MAML3: variants seen among roughly 807,000 people sequenced by gnomAD.
The protein encoded by MAML3 is mastermind like transcriptional coactivator 3.
Under a neutral mutation model 101.9 loss-of-function variants are expected in MAML3, and 27 were observed. That is an observed-to-expected ratio of 0.27 (90% CI 0.20 to 0.37). The LOEUF is 0.37. Ranked by LOEUF, MAML3 falls within the 10% of genes least tolerant of loss-of-function variation. The pLI, the probability that MAML3 is intolerant of heterozygous loss-of-function variation, is 1.00. For synonymous variants in MAML3, 501 were observed against 555.9 expected (o/e 0.90, Z 1.39); for missense variants, 1,316 against 1,444.9 (o/e 0.91, Z 1.45).
intron 1 of MAML3, among the ~76,000 whole-genome samples, chr4:140,062,727 T>C (rs1188575755): frequency 2.0e-5 from 3 of 152,136 alleles, no homozygotes; most frequent in African/African-American, 4.8e-5. Flanking sequence ...ATGAAATGAG[T>C]AAACAACTGC....
chr4:140,149,843 C>T (rs1445623079), intron 1 of MAML3, among the ~76,000 whole-genome samples: 1 of 151,990 alleles, frequency 6.6e-6, no homozygotes, highest in East Asian at 1.9e-4. Flanking sequence ...TGAGATTTTA[C>T]CTCAATACAG....
At chr4:140,019,762 CTG>C (rs910900994) in intron 1 of MAML3, among the ~76,000 whole-genome samples, 24 of 152,324 alleles carry the variant, frequency 1.6e-4, no homozygotes, top group African/African-American at 5.8e-4. Context: ...AAAAGATACA[CTG>C]TGTAACTTCA....
rs79111879 is a variant in MAML3, at chr4:139,958,716, G to A, written c.469-67749C>T. Among the ~76,000 whole-genome samples, 1,306 of 152,248 alleles carry A rather than the reference G, an allele frequency of 8.6e-3. 16 individuals carry two copies. The highest frequency in any genetic ancestry group is 0.029 in the African/African-American group (1,211 of 41,520). On this transcript the variant is annotated intron_variant, in intron 1 of 4. Transcript: ENST00000509479. ...GTTCAGGTCTTGAATTTTGTGCTAC[G>A]TCTGTGGTCCATAGAACTCCACCCC...
In MAML3 at chr4:139,889,544, T is replaced by C; in HGVS notation, c.1892A>G (p.Tyr631Cys). The change falls in exon 2 of 5, where the codon TAT (tyrosine) becomes TGT (cysteine). Residue 631 changes from tyrosine (Y) to cysteine (C), a missense_variant. Physicochemically the swap from Tyr to Cys is radical, Grantham distance 194. Coordinates refer to ENST00000509479, the MANE Select transcript of MAML3 (RefSeq NM_018717.5). ...CTGCTGCTGTTGCTGCTGCTGGATA[T>C]ACGGCATCAAGGGGTTTTTGTTGGG... The part of the protein sequence containing the change: ...ANPNKNPLMP[Y>C]IQQQQQQQQQ... 2 of 1,613,880 alleles carry C rather than the reference T, an allele frequency of 1.2e-6. No individual in the cohort carries two copies. Among genetic ancestry groups the C allele is most frequent in the Non-Finnish European group, 1.7e-6 (2 of 1,179,862 alleles).
intron 1 of MAML3, among the ~76,000 whole-genome samples, chr4:139,959,002 G>A (rs2110771074): frequency 6.6e-6 from 1 of 152,210 alleles, no homozygotes; most frequent in South Asian, 2.1e-4. Context: ...TGAGGGATGG[G>A]ATTTGCAGTT....
chr4:139,976,080 AG>A (rs1734334842), intron 1 of MAML3, among the ~76,000 whole-genome samples: 1 of 152,246 alleles, frequency 6.6e-6, no homozygotes, highest in Admixed American at 6.5e-5. Context: ...AATGGCTAAA[AG>A]GAAACTAAAA....
At chr4:139,921,300 T>C (rs1315625448) in intron 1 of MAML3, among the ~76,000 whole-genome samples, 1 of 152,206 alleles carries the variant, frequency 6.6e-6, no homozygotes, top group Non-Finnish European at 1.5e-5. Context: ...CTTCCCTCTC[T>C]ATGGCTGGCT....
chr4:139,811,995 G>C (rs1477700743), intron 2 of MAML3, among the ~76,000 whole-genome samples: 1 of 152,158 alleles, frequency 6.6e-6, no homozygotes, highest in Non-Finnish European at 1.5e-5. Context: ...AGGCATGGTG[G>C]CTCACACCTA....
intron 1 of MAML3, among the ~76,000 whole-genome samples, chr4:139,996,801 C>G (rs922454274): frequency 6.6e-6 from 1 of 151,902 alleles, no homozygotes; most frequent in African/African-American, 2.4e-5. Context: ...TGGCTCACGC[C>G]TGTAATCCCA....
chr4:140,039,711 A>G (rs1727049430), intron 1 of MAML3, among the ~76,000 whole-genome samples: 1 of 152,198 alleles, frequency 6.6e-6, no homozygotes, highest in South Asian at 2.1e-4. Flanking sequence ...TTTGACAAAG[A>G]GGCCACTTCA....
At chr4:140,088,102 C>T (rs1727987293) in intron 1 of MAML3, among the ~76,000 whole-genome samples, 1 of 152,088 alleles carries the variant, frequency 6.6e-6, no homozygotes, top group Non-Finnish European at 1.5e-5. Flanking sequence ...TAGCGGTGCA[C>T]ACCTGTAGTC....
chr4:140,131,879 C>T (rs976865450), intron 1 of MAML3, among the ~76,000 whole-genome samples: 1 of 152,238 alleles, frequency 6.6e-6, no homozygotes, highest in African/African-American at 2.4e-5. Context: ...AAATGAGACA[C>T]CAGGGTGTTC....
At chr4:139,789,812 A>G (rs575948353) in intron 2 of MAML3, among the ~76,000 whole-genome samples, 29 of 152,056 alleles carry the variant, frequency 1.9e-4, no homozygotes, top group Middle Eastern at 3.2e-3. Context: ...AACTATGGCA[A>G]TGTTGGTGAA....
At position 139,718,062 on chromosome 4, in the gene MAML3, G is replaced by GGAT. The variant is rs1207052123; in HGVS notation, c.*1258_*1260dup. 1.3e-5 allele frequency: 2 copies of GGAT among 152,072 alleles called. No individual in the cohort carries two copies. Among genetic ancestry groups the GGAT allele is most frequent in the Non-Finnish European group, 2.9e-5 (2 of 68,034 alleles). 9.4% of individuals were successfully genotyped at this position (152,072 alleles called of 1,614,324 possible). On this transcript the variant is annotated 3_prime_UTR_variant, in exon 5 of 5. Coordinates refer to ENST00000509479, the MANE Select transcript of MAML3 (RefSeq NM_018717.5). ...TTATATTTGTCTTTCTGATGAGTAG[G>GGAT]GATGATGGGAAAGGTGGATTTTTAG...
chr4:139,757,596 T>C (rs1021164078), intron 2 of MAML3, among the ~76,000 whole-genome samples: 1 of 144,864 alleles, frequency 6.9e-6, no homozygotes, highest in Non-Finnish European at 1.5e-5. Context: ...TGAGTCAAGA[T>C]TGCACCACTG....
At chr4:140,047,355 A>C (rs963246391) in intron 1 of MAML3, among the ~76,000 whole-genome samples, 5 of 152,098 alleles carry the variant, frequency 3.3e-5, no homozygotes, top group Admixed American at 3.3e-4. Context: ...TGAAGCAGGG[A>C]TTTCAAGGCA....
At chr4:140,056,217 T>C (rs1727346129) in intron 1 of MAML3, among the ~76,000 whole-genome samples, 1 of 152,160 alleles carries the variant, frequency 6.6e-6, no homozygotes, top group Non-Finnish European at 1.5e-5. Flanking sequence ...AATTAACTGG[T>C]GTTCAGAGTA....
chr4:140,021,833 C>A (rs976619992), intron 1 of MAML3, among the ~76,000 whole-genome samples: 3 of 152,168 alleles, frequency 2.0e-5, no homozygotes, highest in Non-Finnish European at 4.4e-5. Flanking sequence ...ATCCCACTGC[C>A]CCATCAGGTC....
At chr4:140,038,520 T>G (rs556975884) in intron 1 of MAML3, among the ~76,000 whole-genome samples, 119 of 152,326 alleles carry the variant, frequency 7.8e-4, no homozygotes, top group African/African-American at 2.7e-3. Context: ...ATGATCACTG[T>G]TTGTCCTGAG....
Sources: allele counts gnomAD v4.1 joint callset (sites outside exome capture counted in the v4.1 genomes callset), GRCh38; gene constraint gnomAD v4.1.1; transcripts MANE v1.5; gene names NCBI Gene and HGNC (gene_info 2026-07-23, HGNC 2026-07-21).